Variants in EPHA7 observed in about 807,000 individuals in gnomAD.
The protein encoded by EPHA7 is ephrin type-A receptor 7.
Under a neutral mutation model 112.6 loss-of-function variants are expected in EPHA7, and 25 were observed. The observed-to-expected ratio is 0.22, with a 90% CI of 0.16 to 0.31. The LOEUF is 0.31. Among genes scored for constraint, EPHA7 ranks in the 10% least tolerant of loss-of-function variants. EPHA7 has a pLI of 1.00. For missense variants in EPHA7, 962 were observed against 1,212.6 expected, an observed-to-expected ratio of 0.79 and a Z score of 3.07; for synonymous variants, 437 against 406.5, an observed-to-expected ratio of 1.07 and a Z score of -0.90.
At chr6:93,397,253 A>C (rs1778224108) in intron 3 of EPHA7, among the ~76,000 whole-genome samples, 1 of 151,804 alleles carries the variant, frequency 6.6e-6, no homozygotes, top group Non-Finnish European at 1.5e-5. Context: ...TATTCTCTCA[A>C]GTAAATAGTT....
intron 9 of EPHA7, among the ~76,000 whole-genome samples, chr6:93,262,749 C>A (rs995833392): frequency 2.6e-5 from 4 of 151,092 alleles, no homozygotes; most frequent in African/African-American, 9.7e-5. Flanking sequence ...TTCAAAAATA[C>A]AAACACATTG....
chr6:93,281,949 T>C (rs1211282198), intron 5 of EPHA7, among the ~76,000 whole-genome samples: 1 of 151,882 alleles, frequency 6.6e-6, no homozygotes, highest in African/African-American at 2.4e-5. Context: ...TTATATATTA[T>C]ATATTTCATA....
intron 5 of EPHA7, among the ~76,000 whole-genome samples, chr6:93,333,435 T>C (rs1048594179): frequency 5.9e-5 from 9 of 152,084 alleles, no homozygotes; most frequent in African/African-American, 2.2e-4. Context: ...ATGATAGTTC[T>C]GTTTTAAGTT....
At chr6:93,334,559 C>A (rs1434900542) in intron 5 of EPHA7, among the ~76,000 whole-genome samples, 1 of 152,030 alleles carries the variant, frequency 6.6e-6, no homozygotes, top group African/African-American at 2.4e-5. Context: ...AAAGATAATT[C>A]TCTAACCAGC....
At chr6:93,336,777 C>A (rs186323847) in intron 5 of EPHA7, among the ~76,000 whole-genome samples, 25 of 151,962 alleles carry the variant, frequency 1.6e-4, no homozygotes, top group Non-Finnish European at 3.1e-4. Flanking sequence ...GCTCAAGTAA[C>A]CAAGAGTAAC....
intron 5 of EPHA7, among the ~76,000 whole-genome samples, chr6:93,276,692 T>C (rs755319605): frequency 5.3e-4 from 80 of 152,094 alleles, no homozygotes; most frequent in Non-Finnish European, 1.0e-3. Context: ...GGCTAGTGAT[T>C]GCATATTTAA....
At chr6:93,283,611 C>T (rs981822533) in intron 5 of EPHA7, among the ~76,000 whole-genome samples, 1 of 151,898 alleles carries the variant, frequency 6.6e-6, no homozygotes, top group Non-Finnish European at 1.5e-5. Flanking sequence ...AGCTGTAACA[C>T]TCACCGCGAA....
chr6:93,264,566 T>A (rs1369428011), intron 8 of EPHA7, 28 bp downstream of exon 8: 1 of 1,405,852 alleles, frequency 7.1e-7, no homozygotes, highest in East Asian at 2.3e-5. Flanking sequence ...CATTTTATGT[T>A]AGAGATTAGA....
At chr6:93,264,759 G>C in intron 7 of EPHA7, 57 bp from the exon 8 acceptor site, 3 of 994,174 alleles carry the variant, frequency 3.0e-6, no homozygotes, top group Non-Finnish European at 2.9e-6. Context: ...AACTTGAAAG[G>C]TTAAATAAAA....
chr6:93,320,624 C>T (rs1774022308), intron 5 of EPHA7, among the ~76,000 whole-genome samples: 2 of 151,816 alleles, frequency 1.3e-5, no homozygotes, highest in Admixed American at 1.3e-4. Flanking sequence ...TTAAAAGATG[C>T]TATTAGACAC....
In EPHA7 at chr6:93,410,816, C is replaced by T. The variant is rs1562167396; in HGVS notation, c.517G>A (p.Glu173Lys). 6.2e-7 allele frequency: 1 copy of T among 1,614,068 alleles called. No individual in the cohort carries two copies. The highest frequency in any genetic ancestry group is 8.5e-7 in the Non-Finnish European group (1 of 1,179,958). The change falls in exon 3 of 17, where the codon GAG becomes AAG. Residue 173 changes from glutamate (E) to lysine (K), a missense_variant. This residue lies in a region of EPHA7 where 160 missense variants were observed against 263.6 expected (regional missense o/e 0.61). Transcript: ENST00000369303. The surrounding 1 kb of genome is among the most constrained non-coding windows in gnomAD (Gnocchi z 4.0). The part of the protein sequence containing the change: ...RKMKLNTEVR[E>K]IGPLSKKGFY... ...CCCTTTTTGGACAAAGGTCCAATCT[C>T]TCTCACCTCAGTGTTAAGCTTCATC...
intron 5 of EPHA7, among the ~76,000 whole-genome samples, chr6:93,333,369 G>A (rs1377257682): frequency 6.6e-6 from 1 of 151,750 alleles, no homozygotes; most frequent in African/African-American, 2.4e-5. Flanking sequence ...TCTCTTTATG[G>A]CAGAATAATT....
chr6:93,243,954 G>A (rs1769797188), intron 16 of EPHA7, among the ~76,000 whole-genome samples: 1 of 152,062 alleles, frequency 6.6e-6, no homozygotes, highest in Admixed American at 6.6e-5. Context: ...GGATCTAGTA[G>A]AAAAATTGGA....
At chr6:93,333,459 C>T (rs1472868801) in intron 5 of EPHA7, among the ~76,000 whole-genome samples, 2 of 151,866 alleles carry the variant, frequency 1.3e-5, no homozygotes, top group Non-Finnish European at 2.9e-5. Flanking sequence ...TGTGAAATCA[C>T]CACACTGCTT....
intron 5 of EPHA7, 71 bp from the exon 6 acceptor site, chr6:93,272,493 G>A: frequency 6.3e-7 from 1 of 1,585,652 alleles, no homozygotes; most frequent in Non-Finnish European, 8.6e-7. Flanking sequence ...TGTCACAACT[G>A]ATCAGTCCCA....
At chr6:93,327,378 A>C (rs1031426958) in intron 5 of EPHA7, among the ~76,000 whole-genome samples, 2 of 151,458 alleles carry the variant, frequency 1.3e-5, no homozygotes, top group African/African-American at 4.8e-5. Flanking sequence ...CCTGGTTTTT[A>C]TTCTATTTAT....
At chr6:93,402,499 T>A (rs1443177188) in intron 3 of EPHA7, among the ~76,000 whole-genome samples, 1 of 152,030 alleles carries the variant, frequency 6.6e-6, no homozygotes, top group Non-Finnish European at 1.5e-5. Flanking sequence ...GTTCTAGATC[T>A]GTGTATGTTA....
chr6:93,279,366 G>C (rs1771621155), intron 5 of EPHA7, among the ~76,000 whole-genome samples: 1 of 151,994 alleles, frequency 6.6e-6, no homozygotes, highest in Non-Finnish European at 1.5e-5. Context: ...TGATTTATTT[G>C]ACCAGACACT....
chr6:93,243,710 A>G (rs115444837), intron 16 of EPHA7, among the ~76,000 whole-genome samples, 170 bp from the exon 17 acceptor site: 3 of 152,280 alleles, frequency 2.0e-5, no homozygotes, highest in African/African-American at 7.2e-5. Context: ...TGTAAAACCT[A>G]CATCAACATT....
Sources: allele counts gnomAD v4.1 joint callset (sites outside exome capture counted in the v4.1 genomes callset), GRCh38; gene constraint gnomAD v4.1.1; regional missense constraint gnomAD v4.1.1; non-coding constraint Gnocchi (gnomAD v3.1); transcripts MANE v1.5; gene names NCBI Gene and HGNC (gene_info 2026-07-23, HGNC 2026-07-21).